Variants in ST8SIA4 observed in about 807,000 individuals in gnomAD.
ST8SIA4 encodes CMP-N-acetylneuraminate-poly-alpha-2,8-sialyltransferase.
In ST8SIA4, 15 loss-of-function variants were observed where a neutral mutation model predicts 33.9. That is an observed-to-expected ratio of 0.44 (90% CI 0.30 to 0.68). ST8SIA4 has a LOEUF of 0.68. Among genes scored for constraint, ST8SIA4 ranks in the 30% least tolerant of loss-of-function variants. The pLI, the probability that ST8SIA4 is intolerant of heterozygous loss-of-function variation, is 0.10. For synonymous variants in ST8SIA4, 171 were observed against 151.2 expected, an observed-to-expected ratio of 1.13 and a Z score of -0.96; for missense variants, 321 against 428.0, an observed-to-expected ratio of 0.75 and a Z score of 2.21.
chr5:100,900,428 T>C (rs747859301), intron 1 of ST8SIA4: 2 of 456,172 alleles, frequency 4.4e-6, no homozygotes, highest in African/African-American at 2.0e-5. Flanking sequence ...TGAGATGATT[T>C]GATGGTTTTA....
intron 2 of ST8SIA4, among the ~76,000 whole-genome samples, chr5:100,889,000 T>C (rs2112475902): frequency 6.6e-6 from 1 of 151,936 alleles, no homozygotes; most frequent in Admixed American, 6.6e-5. Context: ...CAAAAATTGA[T>C]AGAAATACCA....
chr5:100,819,323 A>G (rs1024942158), intron 4 of ST8SIA4, among the ~76,000 whole-genome samples: 3 of 152,310 alleles, frequency 2.0e-5, no homozygotes, highest in South Asian at 4.1e-4. Context: ...GTGGTTCCTA[A>G]AAGCATTCCC....
intron 4 of ST8SIA4, among the ~76,000 whole-genome samples, chr5:100,852,750 A>C (rs760902477): frequency 6.6e-5 from 10 of 152,184 alleles, no homozygotes; most frequent in Non-Finnish European, 1.5e-4. Context: ...TGATGGTTTC[A>C]TCTTTAGAGC....
At chr5:100,814,125 A>C (rs1750865440) in intron 4 of ST8SIA4, among the ~76,000 whole-genome samples, 2 of 152,024 alleles carry the variant, frequency 1.3e-5, no homozygotes, top group African/African-American at 4.8e-5. Flanking sequence ...CAAATAAGTA[A>C]CTACAACGTT....
intron 4 of ST8SIA4, among the ~76,000 whole-genome samples, chr5:100,848,018 T>C (rs1751604734): frequency 1.3e-5 from 2 of 152,054 alleles, no homozygotes. Flanking sequence ...TATTATCTTA[T>C]ATTCTGAATG....
intron 4 of ST8SIA4, among the ~76,000 whole-genome samples, chr5:100,812,510 C>A (rs1366218548): frequency 5.3e-5 from 8 of 151,844 alleles, no homozygotes; most frequent in Non-Finnish European, 1.5e-5. Flanking sequence ...AAGTAATCCT[C>A]CCAGAAAAAA....
chr5:100,837,973 G>T (rs1751396966), intron 4 of ST8SIA4, among the ~76,000 whole-genome samples: 1 of 151,986 alleles, frequency 6.6e-6, no homozygotes, highest in African/African-American at 2.4e-5. Context: ...TTCTGAGAGT[G>T]TCTGAATCAA....
In ST8SIA4 at chr5:100,881,129, G is replaced by C. The variant is rs79828981; in HGVS notation, c.503+5214C>G. 7.5e-3 allele frequency among the ~76,000 whole-genome samples: 1,138 copies of C among 152,244 alleles called. 15 individuals carry two copies. The highest frequency in any genetic ancestry group is 0.026 in the African/African-American group (1,077 of 41,536). On this transcript the variant is annotated intron_variant, in intron 3 of 4. Coordinates refer to ENST00000231461, the MANE Select transcript of ST8SIA4 (RefSeq NM_005668.6). Reference sequence around the variant, plus strand: ...CAACAGTGGGAGGTAGACTGAAGTAGGTTGTAGATTTACAGAAATGTGTTT... The same window carrying C: ...CAACAGTGGGAGGTAGACTGAAGTACGTTGTAGATTTACAGAAATGTGTTT...
chr5:100,884,887 G>A (rs539212826), intron 3 of ST8SIA4, among the ~76,000 whole-genome samples: 3 of 152,140 alleles, frequency 2.0e-5, no homozygotes, highest in Non-Finnish European at 4.4e-5. Context: ...AAAGTTTAGA[G>A]GGACACAGAA....
chr5:100,870,445 GA>G (rs1260782078), intron 3 of ST8SIA4, among the ~76,000 whole-genome samples: 1 of 152,008 alleles, frequency 6.6e-6, no homozygotes, highest in East Asian at 1.9e-4. Context: ...TTGATTTTTG[GA>G]AAAGCTGTTA....
At position 100,831,904 on chromosome 5, in the gene ST8SIA4, A is replaced by T. The variant is rs139311701; in HGVS notation, c.798-19775T>A. Among the ~76,000 whole-genome samples the T allele has an allele frequency of 5.1e-4, 77 of 152,310 alleles. 1 individual carries two copies. The highest frequency in any genetic ancestry group is 1.8e-3 in the African/African-American group (76 of 41,578). Reference sequence around the variant, plus strand: ...AAGGTGACACAGGAATTGAGAAATGATGGGAATCTACATATTGTATGCAAG... The same window carrying T: ...AAGGTGACACAGGAATTGAGAAATGTTGGGAATCTACATATTGTATGCAAG... On this transcript the variant is annotated intron_variant, in intron 4 of 4. Coordinates refer to ENST00000231461, the MANE Select transcript of ST8SIA4 (RefSeq NM_005668.6).
rs1193226373 is a variant in ST8SIA4 at position 100,812,042 on chromosome 5, A to G, written c.885T>C (p.Ile295=). 1 of 1,614,128 alleles carries G rather than the reference A, an allele frequency of 6.2e-7. No homozygotes were observed. The highest frequency in any genetic ancestry group is 1.3e-5 in the African/African-American group (1 of 75,054). ...GGAAGGGCCAGAATCCATACAGGTG[A>G]ATTTCATCACAGAATCTTGTGGCAA... ...YTLATRFCDE[I]HLYGFWPFPK... The change falls in exon 5 of 5, where the codon ATT becomes ATC. Residue 295 remains isoleucine (I), a synonymous_variant. Transcript: ENST00000231461.
At chr5:100,871,624 A>G (rs892492959) in intron 3 of ST8SIA4, among the ~76,000 whole-genome samples, 1 of 152,076 alleles carries the variant, frequency 6.6e-6, no homozygotes, top group Non-Finnish European at 1.5e-5. Context: ...TCAGACAATA[A>G]TAATTTGTGT....
chr5:100,861,691 T>C (rs569236049), intron 3 of ST8SIA4, among the ~76,000 whole-genome samples: 38 of 152,348 alleles, frequency 2.5e-4, no homozygotes, highest in African/African-American at 8.9e-4. Context: ...TTCTTAGCTA[T>C]TTGATCATCA....
intron 3 of ST8SIA4, among the ~76,000 whole-genome samples, chr5:100,882,524 C>A (rs1752448051): frequency 1.3e-5 from 2 of 152,208 alleles, no homozygotes; most frequent in African/African-American, 4.8e-5. Context: ...TTCAAGCTGG[C>A]TGCAGAATTT....
At chr5:100,825,483 A>C (rs1252001156) in intron 4 of ST8SIA4, among the ~76,000 whole-genome samples, 1 of 152,210 alleles carries the variant, frequency 6.6e-6, no homozygotes, top group Non-Finnish European at 1.5e-5. Flanking sequence ...TAGCATATGA[A>C]GTTTTCAAAT....
intron 4 of ST8SIA4, chr5:100,816,420 T>C (rs533831700): frequency 7.6e-5 from 38 of 499,992 alleles, no homozygotes; most frequent in South Asian, 4.3e-4. Context: ...ATTCAATATA[T>C]TGACAAACAA....
intron 3 of ST8SIA4, chr5:100,885,194 A>T: frequency 8.7e-6 from 2 of 230,274 alleles, no homozygotes; most frequent in Non-Finnish European, 1.4e-5. Context: ...GTTTGTATCT[A>T]CTTGTTCACA....
chr5:100,883,284 A>G (rs557836283), intron 3 of ST8SIA4, among the ~76,000 whole-genome samples: 1 of 152,282 alleles, frequency 6.6e-6, no homozygotes, highest in African/African-American at 2.4e-5. Context: ...GCCTCACTGG[A>G]TTTTAGACTA....
Sources: gnomAD v4.1 joint callset for allele counts (sites outside exome capture counted in the v4.1 genomes callset) on GRCh38, gnomAD v4.1.1 for gene constraint, MANE v1.5 for transcripts, NCBI Gene and HGNC (gene_info 2026-07-23, HGNC 2026-07-21) for gene names.